The following ARFGEF1 variants were observed in gnomAD, a reference collection of about 807,000 sequenced individuals.
ARFGEF1 encodes the protein ARF guanine nucleotide exchange factor 1.
Under a neutral mutation model 231.0 loss-of-function variants are expected in ARFGEF1, and 42 were observed. The observed-to-expected ratio is 0.18, with a 90% CI of 0.14 to 0.24. ARFGEF1 has a LOEUF of 0.24. ARFGEF1 is among the 10% of genes least tolerant of loss of function. The pLI is 1.00. For missense variants in ARFGEF1, 1,345 were observed against 2,192.0 expected (o/e 0.61, Z 7.72); for synonymous variants, 710 against 732.3 (o/e 0.97, Z 0.49).
intron 23 of ARFGEF1, among the ~76,000 whole-genome samples, chr8:67,231,019 T>G (rs1839536117): frequency 6.6e-6 from 1 of 152,094 alleles, no homozygotes; most frequent in African/African-American, 2.4e-5. Flanking sequence ...CTTTAGTTCC[T>G]GTACTTGTAA....
chr8:67,301,260 A>G lies in ARFGEF1; in HGVS notation c.276T>C (p.Cys92=), dbSNP rs766586260. ...LPFELACQSK[C]PRIVSTSLDC... The stretch of plus-strand genomic sequence containing the variant: ...CTAGAGATGTACTAACTATGCGAGG[A>G]CATTTGGACTGGCATGCCAACTCAA... Residue 92 remains cysteine (C), a synonymous_variant, in exon 3 of 39, where the codon TGT becomes TGC. Coordinates refer to ENST00000262215, the MANE Select transcript of ARFGEF1 (RefSeq NM_006421.5). 4.3e-6 allele frequency: 7 copies of G among 1,613,782 alleles called. No individual in the cohort carries two copies. The Admixed American group carries it at 1.0e-4, about 23-fold the overall frequency.
intron 38 of ARFGEF1, chr8:67,199,429 C>G (rs1838235554): frequency 1.0e-5 from 2 of 195,464 alleles, no homozygotes; most frequent in Non-Finnish European, 2.0e-5. Flanking sequence ...CTATGGGTTA[C>G]TGAAATTTTA....
intron 18 of ARFGEF1, among the ~76,000 whole-genome samples, chr8:67,252,008 G>A (rs1294434720): frequency 6.6e-6 from 1 of 152,110 alleles, no homozygotes; most frequent in African/African-American, 2.4e-5. Flanking sequence ...GGTGGCTCAT[G>A]CCTGTAATCC....
rs138766064 is a variant in ARFGEF1, at chr8:67,208,755, T to C, written c.4819+2728A>G. On this transcript the variant is annotated intron_variant, in intron 34 of 38. Coordinates refer to ENST00000262215, the MANE Select transcript of ARFGEF1 (RefSeq NM_006421.5). ...TGACTAACAAAAGGAAACAGAAAAA[T>C]TGGACTTCATCAAAATTTAAAAACA... 1.7e-3 allele frequency among the ~76,000 whole-genome samples: 254 copies of C among 150,048 alleles called. 2 individuals are homozygous for C. Among genetic ancestry groups the C allele is most frequent in the African/African-American group, 6.0e-3 (244 of 40,678 alleles).
At chr8:67,240,715 C>T (rs922327694) in intron 19 of ARFGEF1, among the ~76,000 whole-genome samples, 1 of 152,090 alleles carries the variant, frequency 6.6e-6, no homozygotes, top group African/African-American at 2.4e-5. Context: ...TCTTTAAGCC[C>T]ATTCCCTGAA....
chr8:67,314,616 T>C (rs1807221056), intron 1 of ARFGEF1, among the ~76,000 whole-genome samples: 1 of 151,034 alleles, frequency 6.6e-6, no homozygotes, highest in African/African-American at 2.4e-5. Flanking sequence ...CTCACAGTAT[T>C]TGGGGGCCAG....
At chr8:67,240,133 C>A (rs1363328342) in intron 20 of ARFGEF1, 29 bp downstream of exon 20, 15 of 1,602,396 alleles carry the variant, frequency 9.4e-6, no homozygotes. Context: ...ATGTTCCAAA[C>A]TGGCTACAAA....
chr8:67,290,381 G>T (rs978351972), intron 6 of ARFGEF1, among the ~76,000 whole-genome samples: 1 of 152,026 alleles, frequency 6.6e-6, no homozygotes, highest in Non-Finnish European at 1.5e-5. Flanking sequence ...TCCTTGATTG[G>T]AAATTTCCTA....
At chr8:67,260,059 G>A (rs1210727242) in intron 14 of ARFGEF1, 133 bp from the exon 15 acceptor site, 1 of 433,872 alleles carries the variant, frequency 2.3e-6, no homozygotes, top group Non-Finnish European at 4.1e-6. Context: ...GTACATGAAT[G>A]TACAAAATAA....
chr8:67,232,751 T>G lies in ARFGEF1; in HGVS notation c.3380+104A>C. ...ATCACAATATAATTTTATATTACTT[T>G]AGAAAAATGATTTTGGCAATAATAT... On this transcript the variant is annotated intron_variant, in intron 23 of 38. Transcript: ENST00000262215. 3.5e-6 allele frequency: 3 copies of G among 861,944 alleles called. No homozygotes were observed. In the South Asian group the frequency reaches 5.8e-5, roughly 17 times the overall value. 53.4% of individuals were successfully genotyped at this position (861,944 alleles called of 1,614,324 possible). A position where few individuals can be genotyped will look rare whatever the true frequency, so the allele number is the denominator to read the frequency against.
downstream of ARFGEF1, chr8:67,193,314 C>G (rs547579948): frequency 3.4e-5 from 18 of 533,980 alleles, no homozygotes; most frequent in South Asian, 2.8e-4. Flanking sequence ...CCAGGCTGGT[C>G]TTGAACTCCT....
intron 1 of ARFGEF1, among the ~76,000 whole-genome samples, chr8:67,302,715 C>T (rs574595925): frequency 1.3e-5 from 2 of 152,050 alleles, no homozygotes; most frequent in East Asian, 3.9e-4. Flanking sequence ...ATTCCCAACG[C>T]ATTTCCTTTT....
intron 17 of ARFGEF1, among the ~76,000 whole-genome samples, chr8:67,253,987 G>A (rs1329009167): frequency 2.6e-5 from 4 of 152,180 alleles, no homozygotes; most frequent in African/African-American, 9.7e-5. Flanking sequence ...TCAAATCTTA[G>A]TTTAGAAGAA....
Position 67,314,465 on chromosome 8 carries a change from G to A in ARFGEF1, c.125-11999C>T, listed in dbSNP as rs538775877. 8.5e-5 allele frequency among the ~76,000 whole-genome samples: 13 copies of A among 152,222 alleles called. No homozygotes were observed. In the East Asian group the frequency reaches 1.2e-3, roughly 14 times the overall value. On this transcript the variant is annotated intron_variant, in intron 1 of 38. Coordinates refer to ENST00000262215, the MANE Select transcript of ARFGEF1 (RefSeq NM_006421.5). ...CCTTTCTGCTGCTTCCTCTACCCCT[G>A]TATTTCGCTTGGCTCAACTAACTTG...
intron 1 of ARFGEF1, among the ~76,000 whole-genome samples, chr8:67,336,109 T>C (rs1327060275): frequency 6.6e-6 from 1 of 152,224 alleles, no homozygotes. Flanking sequence ...TATAAACAAA[T>C]TTAGTTACAT....
chr8:67,275,284 G>C (rs1170797413), intron 9 of ARFGEF1, among the ~76,000 whole-genome samples: 1 of 151,916 alleles, frequency 6.6e-6, no homozygotes, highest in Non-Finnish European at 1.5e-5. Context: ...TCCAAACTCA[G>C]TCTCAAAAGT....
At position 67,176,159 on chromosome 8, in the gene ARFGEF1, C is replaced by T. The variant is rs555591020; in HGVS notation, c.561-587G>A. On this transcript the variant is annotated intron_variant, in intron 5 of 5. Coordinates refer to the ARFGEF1 transcript ENST00000518789. ...AGCACTGATGGGCCCTGACGATAGC[C>T]AGGTGTACTGCATGGCCTTCCCATC... Among the ~76,000 whole-genome samples the T allele has an allele frequency of 2.0e-4, 31 of 152,196 alleles. 1 individual carries two copies. The highest frequency in any genetic ancestry group is 7.0e-4 in the African/African-American group (29 of 41,510).
At chr8:67,211,645 T>G (rs1163228724) in intron 33 of ARFGEF1, 30 bp from the exon 34 acceptor site, 1 of 1,326,632 alleles carries the variant, frequency 7.5e-7, no homozygotes, top group East Asian at 2.6e-5. Flanking sequence ...TCACTGTAAG[T>G]ATGGTTAATA....
At chr8:67,251,869 A>C (rs1016566663) in intron 18 of ARFGEF1, among the ~76,000 whole-genome samples, 1 of 152,236 alleles carries the variant, frequency 6.6e-6, no homozygotes, top group Non-Finnish European at 1.5e-5. Flanking sequence ...GGAGTCAGGA[A>C]GTGGAAACCT....
Sources: allele counts gnomAD v4.1 joint callset (sites outside exome capture counted in the v4.1 genomes callset), GRCh38; gene constraint gnomAD v4.1.1; transcripts MANE v1.5; gene names NCBI Gene and HGNC (gene_info 2026-07-23, HGNC 2026-07-21).